The following PLEKHA5 variants were observed in gnomAD, a reference collection of about 807,000 sequenced individuals.
PLEKHA5 encodes pleckstrin homology domain containing A5, also known as pleckstrin homology domain-containing family A member 5.
A neutral mutation model predicts 181.9 loss-of-function variants in PLEKHA5; 55 were observed. The ratio of observed to expected loss-of-function variants is 0.30; its 90% CI spans 0.24 to 0.38. PLEKHA5 has a LOEUF of 0.38. Ranked by LOEUF, PLEKHA5 falls within the 10% of genes least tolerant of loss-of-function variation. The pLI is 1.00. For missense variants in PLEKHA5, 1,432 were observed against 1,549.5 expected (o/e 0.92, Z 1.27); for synonymous variants, 535 against 529.4 (o/e 1.01, Z -0.15).
At chr12:19,262,843 A>G (rs2068926205) in intron 7 of PLEKHA5, among the ~76,000 whole-genome samples, 1 of 152,146 alleles carries the variant, frequency 6.6e-6, no homozygotes, top group Non-Finnish European at 1.5e-5. Flanking sequence ...TTTGTAACAA[A>G]TCCACATGTG....
At chr12:19,321,084 T>C (rs570628214) in intron 18 of PLEKHA5, among the ~76,000 whole-genome samples, 181 of 151,866 alleles carry the variant, frequency 1.2e-3, no homozygotes, top group Non-Finnish European at 1.4e-3. Context: ...TGAGAATCTC[T>C]TGAACCCAGG....
chr12:19,348,306 A>T, intron 24 of PLEKHA5, 93 bp from the exon 25 acceptor site: 1 of 893,330 alleles, frequency 1.1e-6, no homozygotes, highest in Non-Finnish European at 1.7e-6. Flanking sequence ...TAGGGCTACT[A>T]ATGTTTAGAG....
chr12:19,274,564 C>G lies in PLEKHA5; in HGVS notation c.894C>G (p.Asn298Lys). 4 of 1,612,454 alleles carry G rather than the reference C, an allele frequency of 2.5e-6. No individual in the cohort carries two copies. In the South Asian group the frequency reaches 4.4e-5, roughly 18 times the overall value. ...SENAPTKETNNIPNHRVLIKP... is the reference protein window; with the variant it reads ...SENAPTKETNKIPNHRVLIKP... ...ATGCACCAACTAAAGAAACCAATAA[C>G]ATTCCCAACCATAGAGTGCTAATTA... is the stretch of plus-strand genomic sequence containing the variant. The change falls in exon 11 of 32, where the codon AAC becomes AAG. Residue 298 changes from asparagine to lysine, a missense_variant. By Grantham distance (94) the Asn-to-Lys change is moderately conservative. Transcript: ENST00000429027.
chr12:19,294,315 T>TA (rs970607986), intron 15 of PLEKHA5, among the ~76,000 whole-genome samples: 6 of 152,210 alleles, frequency 3.9e-5, no homozygotes, highest in Non-Finnish European at 8.8e-5. Flanking sequence ...TTCCAGCTTT[T>TA]AATCTTGTTA....
chr12:19,164,387 G>A (rs967927190), intron 3 of PLEKHA5, among the ~76,000 whole-genome samples: 1 of 151,808 alleles, frequency 6.6e-6, no homozygotes, highest in African/African-American at 2.4e-5. Flanking sequence ...TAGAGACGGA[G>A]TTTCACCATG....
chr12:19,303,502 A>G (rs1033114485), intron 15 of PLEKHA5: 2 of 152,212 alleles, frequency 1.3e-5, no homozygotes, highest in Admixed American at 6.5e-5. Context: ...GCGCAAGGCT[A>G]TATAGTCCCA....
At chr12:19,202,777 T>G (rs558515480) in intron 3 of PLEKHA5, among the ~76,000 whole-genome samples, 1 of 152,226 alleles carries the variant, frequency 6.6e-6, no homozygotes, top group African/African-American at 2.4e-5. Flanking sequence ...TCCCTTTGGT[T>G]AGGTATCAGA....
chr12:19,360,150 G>A (rs561940455), intron 28 of PLEKHA5, among the ~76,000 whole-genome samples: 1 of 151,960 alleles, frequency 6.6e-6, no homozygotes, highest in South Asian at 2.1e-4. Context: ...TGGGCAACAT[G>A]GTGAAACCCT....
At chr12:19,334,696 G>T (rs1402569217) in intron 20 of PLEKHA5, among the ~76,000 whole-genome samples, 1 of 149,658 alleles carries the variant, frequency 6.7e-6, no homozygotes, top group Non-Finnish European at 1.5e-5. Context: ...AAAAGAATTT[G>T]CTGACTAGAT....
chr12:19,144,269 T>TCTA (rs903560537), intron 3 of PLEKHA5, among the ~76,000 whole-genome samples: 5 of 152,168 alleles, frequency 3.3e-5, no homozygotes, highest in African/African-American at 1.2e-4. Context: ...AACGATGATT[T>TCTA]CTAATTTCTC....
At chr12:19,284,180 T>C (rs1336702674) in intron 12 of PLEKHA5, among the ~76,000 whole-genome samples, 2 of 152,126 alleles carry the variant, frequency 1.3e-5, no homozygotes, top group African/African-American at 4.8e-5. Flanking sequence ...GCGATTCTCC[T>C]TCCTCAGCCT....
intron 26 of PLEKHA5, among the ~76,000 whole-genome samples, chr12:19,355,584 A>G (rs2094883385): frequency 6.6e-6 from 1 of 151,834 alleles, no homozygotes; most frequent in South Asian, 2.1e-4. Context: ...GCTGTTCTTC[A>G]AAGATATTAA....
chr12:19,181,943 A>G (rs940181470), intron 3 of PLEKHA5, among the ~76,000 whole-genome samples: 15 of 152,186 alleles, frequency 9.9e-5, no homozygotes, highest in Non-Finnish European at 8.8e-5. Flanking sequence ...ATGTGTCTAG[A>G]TCTGGGTGAG....
chr12:19,166,203 G>A (rs1432928140), intron 3 of PLEKHA5, among the ~76,000 whole-genome samples: 1 of 151,918 alleles, frequency 6.6e-6, no homozygotes, highest in African/African-American at 2.4e-5. Flanking sequence ...ATATAAAAGG[G>A]GAAAAAAGTT....
chr12:19,328,006 T>C (rs2092414741), intron 20 of PLEKHA5, among the ~76,000 whole-genome samples: 1 of 152,214 alleles, frequency 6.6e-6, no homozygotes, highest in Admixed American at 6.6e-5. Context: ...AGTTAATTTT[T>C]GTATATGGTG....
chr12:19,231,946 G>A (rs1231375225), intron 3 of PLEKHA5, among the ~76,000 whole-genome samples: 1 of 151,862 alleles, frequency 6.6e-6, no homozygotes, highest in Non-Finnish European at 1.5e-5. Flanking sequence ...AGCACCCAAA[G>A]ATAGAGTTTA....
chr12:19,310,312 A>G (rs1019366279), intron 15 of PLEKHA5, among the ~76,000 whole-genome samples: 2 of 152,098 alleles, frequency 1.3e-5, no homozygotes, highest in African/African-American at 2.4e-5. Flanking sequence ...TTATTTATTT[A>G]TGTATTTATT....
chr12:19,322,165 C>T (rs986781760), intron 18 of PLEKHA5, 145 bp from the exon 19 acceptor site: 2 of 597,234 alleles, frequency 3.3e-6, no homozygotes, highest in Admixed American at 3.0e-5. Context: ...GCTTGCATGC[C>T]TATTTTTTAA....
intron 3 of PLEKHA5, among the ~76,000 whole-genome samples, chr12:19,251,304 G>A (rs947508456): frequency 2.6e-5 from 4 of 151,826 alleles, no homozygotes; most frequent in Non-Finnish European, 4.4e-5. Flanking sequence ...TAACTTGGGA[G>A]GCTGAGGCAG....
Sources: allele counts gnomAD v4.1 joint callset (sites outside exome capture counted in the v4.1 genomes callset), GRCh38; gene constraint gnomAD v4.1.1; transcripts MANE v1.5; gene names NCBI Gene and HGNC (gene_info 2026-07-23, HGNC 2026-07-21).